Variants in SH3RF3 observed in about 807,000 individuals in gnomAD.
SH3RF3 encodes the protein E3 ubiquitin-protein ligase SH3RF3.
In SH3RF3, 29 loss-of-function variants were observed where a neutral mutation model predicts 66.3. The observed-to-expected ratio is 0.44, with a 90% CI of 0.33 to 0.60. SH3RF3 has a LOEUF of 0.60. Ranked by LOEUF, SH3RF3 falls within the 20% of genes least tolerant of loss-of-function variation. The pLI is 0.04. For missense variants in SH3RF3, 1,194 were observed against 1,190.9 expected (o/e 1.00, Z -0.04); for synonymous variants, 583 against 532.0 (o/e 1.10, Z -1.32).
At chr2:109,445,808 C>T (rs887141780) in intron 7 of SH3RF3, among the ~76,000 whole-genome samples, 4 of 151,928 alleles carry the variant, frequency 2.6e-5, no homozygotes, top group Non-Finnish European at 5.9e-5. Flanking sequence ...AAGTGGGAAG[C>T]GATACCCCTG....
At chr2:109,496,063 T>C (rs1679253287) in intron 9 of SH3RF3, among the ~76,000 whole-genome samples, 1 of 152,194 alleles carries the variant, frequency 6.6e-6, no homozygotes, top group African/African-American at 2.4e-5. Context: ...CGGGTTGCCC[T>C]GGGGTGGCCA....
intron 1 of SH3RF3, among the ~76,000 whole-genome samples, chr2:109,322,188 C>T (rs974687846): frequency 2.0e-5 from 3 of 152,092 alleles, no homozygotes; most frequent in African/African-American, 4.8e-5. Context: ...ACTCAGCGCC[C>T]CTTCAAGCAT....
chr2:109,293,354 G>C (rs1037434859), intron 1 of SH3RF3, among the ~76,000 whole-genome samples: 2 of 152,212 alleles, frequency 1.3e-5, no homozygotes, highest in African/African-American at 4.8e-5. Context: ...GTGTCATCAG[G>C]GGCCAGAAAA....
Position 109,157,356 on chromosome 2 carries a change from A to G in SH3RF3, c.573+27243A>G, listed in dbSNP as rs1046809996. On this transcript the variant is annotated intron_variant, in intron 1 of 9. Transcript: ENST00000309415. The stretch of plus-strand genomic sequence containing the variant: ...TTCAATATTGCATTACAAATATTGC[A>G]TTCGCTTTATAGACTCCCACGTGCC... 3.9e-5 allele frequency among the ~76,000 whole-genome samples: 6 copies of G among 152,242 alleles called. No homozygotes were observed. The South Asian group carries it at 1.2e-3, about 32-fold the overall frequency.
At chr2:109,285,572 C>T (rs542487030) in intron 1 of SH3RF3, among the ~76,000 whole-genome samples, 62 of 152,308 alleles carry the variant, frequency 4.1e-4, no homozygotes, top group South Asian at 1.0e-3. Flanking sequence ...TGAGGTGGTG[C>T]GTCATGTTCT....
At position 109,405,389 on chromosome 2, in the gene SH3RF3, C is replaced by T. The variant is rs117035624; in HGVS notation, c.1299+6446C>T. 1.2e-3 allele frequency among the ~76,000 whole-genome samples: 188 copies of T among 152,272 alleles called. 2 individuals are homozygous for T. In the East Asian group the frequency reaches 0.023, roughly 19 times the overall value. On this transcript the variant is annotated intron_variant, in intron 4 of 9. Coordinates refer to ENST00000309415, the MANE Select transcript of SH3RF3 (RefSeq NM_001099289.3). ...TGACTCCCTGCCCCTGAGTTCCCTC[C>T]TGAGTCCCTTGGAAGGTTCTGGGGA...
intron 1 of SH3RF3, among the ~76,000 whole-genome samples, chr2:109,303,241 C>T (rs1681513005): frequency 6.6e-6 from 1 of 152,226 alleles, no homozygotes; most frequent in African/African-American, 2.4e-5. Context: ...TTGGCCCCAA[C>T]AGGATCTGAG....
intron 1 of SH3RF3, among the ~76,000 whole-genome samples, chr2:109,249,812 G>A (rs543591443): frequency 1.1e-4 from 17 of 151,230 alleles, no homozygotes; most frequent in African/African-American, 2.2e-4. Context: ...GCCCGCCACC[G>A]CGCCCGGCTA....
intron 3 of SH3RF3, among the ~76,000 whole-genome samples, chr2:109,391,155 C>G (rs536424048): frequency 1.4e-4 from 21 of 152,368 alleles, no homozygotes; most frequent in African/African-American, 5.1e-4. Context: ...TTCCAAAAGC[C>G]TTGCCTGTAC....
At chr2:109,394,817 G>C (rs1676095796) in intron 3 of SH3RF3, among the ~76,000 whole-genome samples, 1 of 152,230 alleles carries the variant, frequency 6.6e-6, no homozygotes, top group Non-Finnish European at 1.5e-5. Flanking sequence ...AGAGCCACCT[G>C]GCTTCCCTGC....
At chr2:109,389,452 G>A (rs1239923061) in intron 3 of SH3RF3, among the ~76,000 whole-genome samples, 2 of 152,188 alleles carry the variant, frequency 1.3e-5, no homozygotes, top group African/African-American at 4.8e-5. Context: ...TGAGCCTAGA[G>A]AAATGGTCTG....
At chr2:109,188,879 C>T (rs532898746) in intron 1 of SH3RF3, among the ~76,000 whole-genome samples, 110 of 152,162 alleles carry the variant, frequency 7.2e-4, no homozygotes, top group African/African-American at 2.5e-3. Flanking sequence ...TTCGCTTTGC[C>T]GGGGCATTGT....
chr2:109,489,103 G>A (rs1679058732), intron 8 of SH3RF3, among the ~76,000 whole-genome samples: 1 of 152,226 alleles, frequency 6.6e-6, no homozygotes, highest in Non-Finnish European at 1.5e-5. Context: ...CAGTGGAGTT[G>A]GAGGCTGGGA....
intron 1 of SH3RF3, among the ~76,000 whole-genome samples, chr2:109,302,455 A>G (rs1163105190): frequency 2.0e-5 from 3 of 152,258 alleles, no homozygotes; most frequent in African/African-American, 7.2e-5. Flanking sequence ...AGGAATAACC[A>G]GGCACAACAT....
chr2:109,159,171 C>T (rs1677422994), intron 1 of SH3RF3, among the ~76,000 whole-genome samples: 1 of 152,186 alleles, frequency 6.6e-6, no homozygotes, highest in Non-Finnish European at 1.5e-5. Context: ...GAGAAGGGGA[C>T]TCAGGTACAG....
intron 2 of SH3RF3, among the ~76,000 whole-genome samples, chr2:109,369,839 A>C (rs1574602380): frequency 6.6e-6 from 1 of 152,052 alleles, no homozygotes; most frequent in Non-Finnish European, 1.5e-5. Flanking sequence ...CTTAGACCCC[A>C]CCAGCCTAAA....
intron 1 of SH3RF3, among the ~76,000 whole-genome samples, chr2:109,236,801 C>T (rs1679660294): frequency 6.6e-6 from 1 of 152,160 alleles, no homozygotes; most frequent in Non-Finnish European, 1.5e-5. Flanking sequence ...CAGGAAACAG[C>T]CTATACATTT....
chr2:109,369,947 C>G (rs1334531720), intron 2 of SH3RF3, among the ~76,000 whole-genome samples: 2 of 152,210 alleles, frequency 1.3e-5, no homozygotes, highest in African/African-American at 2.4e-5. Flanking sequence ...GTGGTGCACT[C>G]AGCTCTGAGG....
At chr2:109,440,185 G>A (rs1458193838) in intron 7 of SH3RF3, among the ~76,000 whole-genome samples, 2 of 152,226 alleles carry the variant, frequency 1.3e-5, no homozygotes, top group African/African-American at 4.8e-5. Flanking sequence ...AGTCCAGTGT[G>A]TAGATGACAG....
Sources: gnomAD v4.1 joint callset for allele counts (sites outside exome capture counted in the v4.1 genomes callset) on GRCh38, gnomAD v4.1.1 for gene constraint, MANE v1.5 for transcripts, NCBI Gene and HGNC (gene_info 2026-07-23, HGNC 2026-07-21) for gene names.